MAPRE2: variants seen among roughly 807,000 people sequenced by gnomAD.
The protein encoded by MAPRE2 is microtubule-associated protein RP/EB family member 2.
MAPRE2 carries 13 observed loss-of-function variants against 43.2 expected under a neutral mutation model. That is an observed-to-expected ratio of 0.30 (90% confidence interval 0.20 to 0.48). The LOEUF (loss-of-function observed/expected upper bound fraction) is 0.48, where lower values mean the gene tolerates loss of function less well. Ranked by LOEUF, MAPRE2 falls within the 20% of genes least tolerant of loss-of-function variation. MAPRE2 has a pLI of 0.99. For synonymous variants in MAPRE2, 135 were observed against 148.8 expected, an observed-to-expected ratio of 0.91 and a Z score of 0.68; for missense variants, 161 against 400.2, an observed-to-expected ratio of 0.40 and a Z score of 5.10.
intron 4 of MAPRE2, among the ~76,000 whole-genome samples, chr18:35,111,613 C>T (rs1457731997): frequency 6.6e-6 from 1 of 152,176 alleles, no homozygotes; most frequent in Non-Finnish European, 1.5e-5. Flanking sequence ...GGGAAAAATA[C>T]TCAGGAAGTT....
chr18:34,988,676 C>T (rs2097022254), intron 1 of MAPRE2: 1 of 152,134 alleles, frequency 6.6e-6, no homozygotes, highest in African/African-American at 2.4e-5. Context: ...GGGAATGAAG[C>T]CACAGAGCAT....
Position 35,041,529 on chromosome 18 carries a change from G to C in MAPRE2, c.-11G>C. 1 of 1,614,230 alleles carries C rather than the reference G, an allele frequency of 6.2e-7. No homozygotes were observed. Among genetic ancestry groups the C allele is most frequent in the Non-Finnish European group, 8.5e-7 (1 of 1,180,050 alleles). On this transcript the variant is annotated 5_prime_UTR_variant, in exon 1 of 7. Coordinates refer to ENST00000300249, the MANE Select transcript of MAPRE2 (RefSeq NM_014268.4). The stretch of plus-strand genomic sequence containing the variant: ...CCACAGCGGTTTGTTCCCCTTCTCG[G>C]GAGTGCGCCAATGCCTGGGCCGACC...
At chr18:35,080,100 A>C (rs926505782) in intron 2 of MAPRE2, among the ~76,000 whole-genome samples, 1 of 152,228 alleles carries the variant, frequency 6.6e-6, no homozygotes, top group African/African-American at 2.4e-5. Flanking sequence ...ATGGTCAATA[A>C]ATATTTATGA....
At chr18:35,096,792 A>G (rs1426746391) in intron 2 of MAPRE2, among the ~76,000 whole-genome samples, 3 of 104,188 alleles carry the variant, frequency 2.9e-5, no homozygotes, top group African/African-American at 1.8e-4. Flanking sequence ...TAATAAGTAT[A>G]AGTAATACTT....
chr18:35,037,418 A>G (rs2097051117), upstream of MAPRE2, among the ~76,000 whole-genome samples: 2 of 152,232 alleles, frequency 1.3e-5, no homozygotes, highest in African/African-American at 4.8e-5. Context: ...TGTTAGAGAT[A>G]CAAAGTAACT....
At chr18:35,070,942 G>A (rs137993244) in intron 2 of MAPRE2, among the ~76,000 whole-genome samples, 200 of 152,182 alleles carry the variant, frequency 1.3e-3, no homozygotes, top group South Asian at 8.5e-3. Flanking sequence ...ACCTGCTCTG[G>A]GAAGCATTCC....
intron 4 of MAPRE2, among the ~76,000 whole-genome samples, chr18:35,113,042 C>A (rs976208262): frequency 5.9e-5 from 9 of 152,064 alleles, no homozygotes; most frequent in Admixed American, 5.9e-4. Flanking sequence ...CCCTCACAAC[C>A]TAGTTACCTC....
At chr18:35,009,210 A>G (rs1385059866) in intron 2 of MAPRE2, among the ~76,000 whole-genome samples, 1 of 152,100 alleles carries the variant, frequency 6.6e-6, no homozygotes, top group Non-Finnish European at 1.5e-5. Flanking sequence ...GGAGGTAGAG[A>G]TGACATCTGA....
chr18:35,005,021 CT>C (rs896528704), intron 1 of MAPRE2, among the ~76,000 whole-genome samples: 2 of 150,010 alleles, frequency 1.3e-5, no homozygotes, highest in Non-Finnish European at 3.0e-5. Context: ...AATTAAAAAT[CT>C]TTTTGACTAG....
At chr18:35,017,324 T>A (rs2097039072) in intron 2 of MAPRE2, among the ~76,000 whole-genome samples, 1 of 151,662 alleles carries the variant, frequency 6.6e-6, no homozygotes, top group Non-Finnish European at 1.5e-5. Flanking sequence ...TTATAATTTT[T>A]TTCTAGTTCT....
At position 34,997,355 on chromosome 18, in the gene MAPRE2, G is replaced by A. The variant is rs371626075; in HGVS notation, c.-69-8137G>A. Among the ~76,000 whole-genome samples, 16 of 152,260 alleles carry A rather than the reference G, an allele frequency of 1.1e-4. 1 individual carries two copies. The highest frequency in any genetic ancestry group is 4.6e-4 in the Admixed American group (7 of 15,292). ...GGGATACAAAGACTCCTTGTGAGTG[G>A]GGAGGAGGAGTGAGGAAGATGATTT... On this transcript the variant is annotated intron_variant, in intron 1 of 7. Transcript: ENST00000413393.
chr18:35,072,084 A>T (rs961677566), intron 2 of MAPRE2, among the ~76,000 whole-genome samples: 1 of 152,252 alleles, frequency 6.6e-6, no homozygotes, highest in Non-Finnish European at 1.5e-5. Context: ...ATTGCAGCTT[A>T]TGCAACTTCA....
intron 2 of MAPRE2, among the ~76,000 whole-genome samples, chr18:35,087,943 A>G (rs1216092663): frequency 6.6e-6 from 1 of 152,196 alleles, no homozygotes; most frequent in African/African-American, 2.4e-5. Context: ...GCAGAAATGC[A>G]AGAGACAATA....
chr18:35,016,543 A>G (rs2097038380), intron 2 of MAPRE2, among the ~76,000 whole-genome samples: 1 of 152,080 alleles, frequency 6.6e-6, no homozygotes, highest in Non-Finnish European at 1.5e-5. Context: ...TTTGATTTGC[A>G]TTTCTCTAAT....
chr18:34,991,502 G>A (rs939263014), intron 1 of MAPRE2, among the ~76,000 whole-genome samples: 2 of 152,156 alleles, frequency 1.3e-5, no homozygotes, highest in Admixed American at 6.5e-5. Context: ...TAGCCACACA[G>A]ACTGCAAGAC....
intron 5 of MAPRE2, among the ~76,000 whole-genome samples, chr18:35,128,833 A>G (rs1910017973): frequency 2.6e-5 from 4 of 152,234 alleles, no homozygotes; most frequent in African/African-American, 9.6e-5. Context: ...TCTCCAGCCC[A>G]AAGTATAACC....
At chr18:34,985,676 A>AC (rs1480703676) in intron 1 of MAPRE2, among the ~76,000 whole-genome samples, 2 of 115,870 alleles carry the variant, frequency 1.7e-5, no homozygotes, top group African/African-American at 6.6e-5. Context: ...ATAATATATA[A>AC]ATATATATTA....
At position 35,102,084 on chromosome 18, in the gene MAPRE2, A is replaced by G. The variant is rs770392383; in HGVS notation, c.535A>G (p.Ile179Val). The stretch of plus-strand genomic sequence containing the variant: ...AGAGGCACGACAAGGGCAAGATGCA[A>G]TTCCTCCTCCTGACCCTGGTGAACA... ...PVEARQGQDA[I>V]PPPDPGEQIF... The change falls in exon 4 of 7, where the codon ATT (isoleucine) becomes GTT (valine). Residue 179 changes from isoleucine (I) to valine (V), a missense_variant. Around this residue, in one of 2 missense-constraint regions of MAPRE2, gnomAD observed 65 missense variants for 246.9 expected, o/e 0.26. Coordinates refer to ENST00000300249, the MANE Select transcript of MAPRE2 (RefSeq NM_014268.4). The G allele has an allele frequency of 9.9e-6, 16 of 1,613,206 alleles. No individual in the cohort carries two copies. The highest frequency in any genetic ancestry group is 5.5e-5 in the South Asian group (5 of 91,016).
At chr18:35,071,687 C>G (rs1259781015) in intron 2 of MAPRE2, among the ~76,000 whole-genome samples, 2 of 152,178 alleles carry the variant, frequency 1.3e-5, no homozygotes, top group Non-Finnish European at 2.9e-5. Flanking sequence ...TCAAAAGCCC[C>G]CAGTAGTCAC....
Sources: allele counts gnomAD v4.1 joint callset (sites outside exome capture counted in the v4.1 genomes callset), GRCh38; gene constraint gnomAD v4.1.1; regional missense constraint gnomAD v4.1.1; transcripts MANE v1.5; gene names NCBI Gene and HGNC (gene_info 2026-07-23, HGNC 2026-07-21).